Variants in RELN observed in about 807,000 individuals in gnomAD.
RELN encodes reelin.
In RELN, 108 loss-of-function variants were observed where a neutral mutation model predicts 427.6. That is an observed-to-expected ratio of 0.25 (90% CI 0.22 to 0.30). The LOEUF (loss-of-function observed/expected upper bound fraction) is 0.30. RELN is among the 10% of genes least tolerant of loss of function. The pLI, the probability that RELN is intolerant of heterozygous loss-of-function variation, is 1.00. For missense variants in RELN, 3,715 were observed against 4,302.8 expected (o/e 0.86, Z 3.82); for synonymous variants, 1,524 against 1,513.4 (o/e 1.01, Z -0.16).
At chr7:103,635,358 T>G in intron 19 of RELN, 67 bp downstream of exon 19, 1 of 1,537,496 alleles carries the variant, frequency 6.5e-7, no homozygotes, top group Non-Finnish European at 9.0e-7. Context: ...TTATACCATT[T>G]GAATTATGAT....
intron 6 of RELN, among the ~76,000 whole-genome samples, chr7:103,744,384 G>C (rs1224701800): frequency 6.6e-6 from 1 of 151,966 alleles, no homozygotes; most frequent in South Asian, 2.1e-4. Context: ...ACATTCAAAA[G>C]CTAGCAGAAG....
intron 16 of RELN, among the ~76,000 whole-genome samples, chr7:103,641,882 G>A (rs1832701237): frequency 6.6e-6 from 1 of 152,074 alleles, no homozygotes; most frequent in African/African-American, 2.4e-5. Context: ...ATGGCTGAAG[G>A]AAGATATGCT....
rs1472959775 is a variant in RELN, at chr7:103,545,301, A to T, written c.6346T>A (p.Ser2116Thr). Residue 2116 changes from serine (S) to threonine (T), a missense_variant, in exon 42 of 65, where the codon TCT becomes ACT. This residue lies in a region of RELN where 1,310 missense variants were observed against 1,643.0 expected (regional missense o/e 0.80). Coordinates refer to ENST00000428762, the MANE Select transcript of RELN (RefSeq NM_005045.4). The part of the protein sequence containing the change: ...RWYQGFYPAG[S>T]QPVTWAIDNV... ...TCAATGGCCCATGTCACTGGCTGAG[A>T]GCCGGCAGGGTAAAATCCCTGGTAC... 6.2e-7 allele frequency: 1 copy of T among 1,614,122 alleles called. No individual in the cohort carries two copies. The highest frequency in any genetic ancestry group is 1.1e-5 in the South Asian group (1 of 91,080).
At chr7:103,500,443 A>G (rs1828988555) in intron 53 of RELN, among the ~76,000 whole-genome samples, 1 of 152,190 alleles carries the variant, frequency 6.6e-6, no homozygotes, top group South Asian at 2.1e-4. Flanking sequence ...GTGAAGTAAA[A>G]AAGGCTTAAT....
rs183144392 is a variant in RELN at position 103,620,600 on chromosome 7, A to G, written c.2703-8797T>C. Among the ~76,000 whole-genome samples the G allele has an allele frequency of 1.3e-5, 2 of 151,870 alleles. No homozygotes were observed. The highest frequency in any genetic ancestry group is 4.8e-5 in the African/African-American group (2 of 41,386). ...ACGATTCTCCTGCCTCAGCCTCCCAAGTAGCTGGGATTACAGATGTGCACC... is the reference window on the plus strand; with the variant it reads ...ACGATTCTCCTGCCTCAGCCTCCCAGGTAGCTGGGATTACAGATGTGCACC... On this transcript the variant is annotated intron_variant, in intron 20 of 64. Transcript: ENST00000428762. The surrounding 1 kb of genome is among the most constrained non-coding windows in gnomAD (Gnocchi z 4.1).
intron 48 of RELN, 39 bp downstream of exon 48, chr7:103,521,983 A>G: frequency 6.2e-7 from 1 of 1,606,334 alleles, no homozygotes; most frequent in South Asian, 1.1e-5. Flanking sequence ...AAGGAACTTA[A>G]GAAGAGCAGA....
At chr7:103,587,158 C>T (rs1007147386) in intron 28 of RELN, among the ~76,000 whole-genome samples, 1 of 152,154 alleles carries the variant, frequency 6.6e-6, no homozygotes, top group African/African-American at 2.4e-5. Flanking sequence ...AGCAAAACAC[C>T]ATGATACTGG....
At chr7:103,868,449 C>T (rs1794251734) in intron 2 of RELN, among the ~76,000 whole-genome samples, 1 of 152,016 alleles carries the variant, frequency 6.6e-6, no homozygotes. Context: ...TGAGAAACTC[C>T]ACATGAAATT....
chr7:103,565,291 G>T lies in RELN; in HGVS notation c.5197C>A (p.Pro1733Thr). 1.2e-6 allele frequency: 2 copies of T among 1,614,146 alleles called. No homozygotes were observed. Among genetic ancestry groups the T allele is most frequent in the Non-Finnish European group, 1.7e-6 (2 of 1,180,006 alleles). Reference sequence around the variant, plus strand: ...GACAATTCTCACATGGTGGAGAGTGGAAGGTAGACAGTGATCCGCTTCCAA... The same window carrying T: ...GACAATTCTCACATGGTGGAGAGTGTAAGGTAGACAGTGATCCGCTTCCAA... The part of the protein sequence containing the change: ...QNWKRITVYL[P>T]LSTISPRTRF... The change falls in exon 34 of 65, where the codon CCA becomes ACA. Residue 1733 changes from proline to threonine, a missense_variant. Around this residue, in one of 4 missense-constraint regions of RELN, gnomAD observed 2,208 missense variants for 2,361.7 expected, o/e 0.93. Coordinates refer to ENST00000428762, the MANE Select transcript of RELN (RefSeq NM_005045.4).
chr7:103,753,230 AAAG>A lies in RELN; in HGVS notation c.545-19_545-17del, dbSNP rs1360480701. On this transcript the variant is annotated splice_polypyrimidine_tract_variant and intron_variant, in intron 4 of 64. Transcript: ENST00000428762. The stretch of plus-strand genomic sequence containing the variant: ...TCTGTTGGAGCTGAATCAAGAGAGG[AAAG>A]AAGAAAGACAACTGATCAGGAATGA... 3.7e-6 allele frequency: 6 copies of A among 1,613,780 alleles called. No individual in the cohort carries two copies. In the African/African-American group the frequency reaches 8.0e-5, roughly 22 times the overall value.
intron 11 of RELN, among the ~76,000 whole-genome samples, chr7:103,662,504 C>T (rs1359668499): frequency 6.6e-6 from 1 of 151,780 alleles, no homozygotes; most frequent in Non-Finnish European, 1.5e-5. Flanking sequence ...TGGCTGTAGT[C>T]CCAGCTACTC....
intron 12 of RELN, 94 bp downstream of exon 12, chr7:103,661,282 A>T (rs1326446102): frequency 3.0e-6 from 4 of 1,326,922 alleles, no homozygotes; most frequent in Admixed American, 3.4e-5. Flanking sequence ...TTTTCATTTT[A>T]CGTAGTTGAC....
chr7:103,746,949 A>G (rs1230509088), intron 6 of RELN, among the ~76,000 whole-genome samples: 1 of 152,154 alleles, frequency 6.6e-6, no homozygotes, highest in African/African-American at 2.4e-5. Flanking sequence ...ATGCTGCTAC[A>G]AAGACACATG....
intron 2 of RELN, among the ~76,000 whole-genome samples, chr7:103,911,730 C>G (rs575620839): frequency 5.0e-5 from 7 of 140,974 alleles, no homozygotes; most frequent in Admixed American, 2.9e-4. Context: ...TGGAAATCAT[C>G]ATTCTCAGTA....
chr7:103,479,457 ATAT>A (rs1409478081), intron 63 of RELN, among the ~76,000 whole-genome samples: 1 of 152,154 alleles, frequency 6.6e-6, no homozygotes, highest in Non-Finnish European at 1.5e-5. Flanking sequence ...GGCTGGAAAA[ATAT>A]TATCTGTCAA....
At chr7:103,940,587 C>T (rs1242658038) in intron 1 of RELN, among the ~76,000 whole-genome samples, 3 of 152,160 alleles carry the variant, frequency 2.0e-5, no homozygotes, top group Admixed American at 6.5e-5. Flanking sequence ...ATGTGGACCC[C>T]CAAGCTCTCA....
chr7:103,785,327 A>T (rs934797077), intron 3 of RELN, among the ~76,000 whole-genome samples: 8 of 152,150 alleles, frequency 5.3e-5, no homozygotes, highest in Admixed American at 2.0e-4. Context: ...GCAAGAACAA[A>T]ACTGGAAAAA....
chr7:103,504,374 A>AT (rs919367475), intron 51 of RELN: 23 of 152,284 alleles, frequency 1.5e-4, no homozygotes, highest in African/African-American at 5.5e-4. Context: ...AGTATCCTAC[A>AT]TTTTTATTGT....
At chr7:103,480,629 ATTTCT>A (rs1188214920) in intron 63 of RELN, among the ~76,000 whole-genome samples, 26 of 152,350 alleles carry the variant, frequency 1.7e-4, no homozygotes, top group African/African-American at 3.6e-4. Flanking sequence ...TTTGTGAGCT[ATTTCT>A]TTTCTTCAAA....
Sources: allele counts gnomAD v4.1 joint callset (sites outside exome capture counted in the v4.1 genomes callset), GRCh38; gene constraint gnomAD v4.1.1; regional missense constraint gnomAD v4.1.1; non-coding constraint Gnocchi (gnomAD v3.1); transcripts MANE v1.5; gene names NCBI Gene and HGNC (gene_info 2026-07-23, HGNC 2026-07-21).